ADAM22: variants seen among roughly 807,000 people sequenced by gnomAD.
The protein encoded by ADAM22 is disintegrin and metalloproteinase domain-containing protein 22.
Under a neutral mutation model 144.6 loss-of-function variants are expected in ADAM22, and 65 were observed. That is an observed-to-expected ratio of 0.45 (90% CI 0.37 to 0.55). The LOEUF is 0.55. Ranked by LOEUF, ADAM22 falls within the 20% of genes least tolerant of loss-of-function variation. The pLI is 0.00. For missense variants in ADAM22, 974 were observed against 1,184.9 expected (o/e 0.82, Z 2.61); for synonymous variants, 391 against 412.6 (o/e 0.95, Z 0.63).
At chr7:88,000,587 A>G (rs1313852052) in intron 3 of ADAM22, among the ~76,000 whole-genome samples, 1 of 152,172 alleles carries the variant, frequency 6.6e-6, no homozygotes, top group Non-Finnish European at 1.5e-5. Context: ...AGCCACAAAG[A>G]CAATATTCTA....
intron 30 of ADAM22, among the ~76,000 whole-genome samples, chr7:88,188,323 G>A (rs781054392): frequency 2.6e-5 from 4 of 152,118 alleles, no homozygotes; most frequent in Non-Finnish European, 4.4e-5. Context: ...AAGAGGTCAC[G>A]TTTCTTAAAA....
chr7:88,148,690 C>T (rs1445549790), intron 17 of ADAM22, among the ~76,000 whole-genome samples: 3 of 152,008 alleles, frequency 2.0e-5, no homozygotes, highest in Admixed American at 6.6e-5. Flanking sequence ...GCTATTAGTA[C>T]AGAAAAATTA....
At chr7:87,949,863 T>C (rs1458521961) in intron 2 of ADAM22, among the ~76,000 whole-genome samples, 1 of 149,590 alleles carries the variant, frequency 6.7e-6, no homozygotes, top group Non-Finnish European at 1.5e-5. Flanking sequence ...AAAATATAGA[T>C]AATAAAATAT....
chr7:88,123,038 C>G (rs1829669613), intron 7 of ADAM22, among the ~76,000 whole-genome samples: 1 of 152,096 alleles, frequency 6.6e-6, no homozygotes, highest in Admixed American at 6.6e-5. Flanking sequence ...ATATAATTTT[C>G]TCCTTTAATC....
rs551570388 is a variant in ADAM22, at chr7:88,193,050, C to T, written c.2751-66C>T. On this transcript the variant is annotated intron_variant, in intron 30 of 31. Transcript: ENST00000413139. ...AGTCAGAGGGTTTGTTCTGAACACA[C>T]TTTTCAGATATTTGAAAAATGTTAG... 1.8e-5 allele frequency: 29 copies of T among 1,594,402 alleles called. No homozygotes were observed. In the Admixed American group the frequency reaches 2.0e-4, roughly 11 times the overall value.
At chr7:88,049,415 A>C (rs1805588400) in intron 3 of ADAM22, among the ~76,000 whole-genome samples, 2 of 150,416 alleles carry the variant, frequency 1.3e-5, no homozygotes, top group Admixed American at 1.3e-4. Context: ...TTTGAGATGG[A>C]GTTTCACTCT....
intron 2 of ADAM22, among the ~76,000 whole-genome samples, chr7:87,956,172 G>A (rs1336643462): frequency 6.6e-6 from 1 of 152,094 alleles, no homozygotes; most frequent in African/African-American, 2.4e-5. Flanking sequence ...CTAGTGAGAT[G>A]AACCCGGTAC....
At chr7:88,051,540 G>A (rs904371686) in intron 3 of ADAM22, among the ~76,000 whole-genome samples, 17 of 151,932 alleles carry the variant, frequency 1.1e-4, no homozygotes, top group Non-Finnish European at 1.6e-4. Flanking sequence ...ACCACACACC[G>A]GGGCCTGTTG....
At chr7:88,089,276 A>G (rs1819224572) in intron 4 of ADAM22, among the ~76,000 whole-genome samples, 1 of 152,140 alleles carries the variant, frequency 6.6e-6, no homozygotes, top group African/African-American at 2.4e-5. Context: ...ATAAAAAAAG[A>G]AAAAACAGAC....
intron 3 of ADAM22, among the ~76,000 whole-genome samples, chr7:87,991,195 A>G (rs935371889): frequency 2.0e-5 from 3 of 151,980 alleles, no homozygotes; most frequent in Non-Finnish European, 4.4e-5. Context: ...GGACAATCAG[A>G]TTGACTTTTT....
chr7:87,942,761 C>T (rs1842720938), intron 2 of ADAM22, among the ~76,000 whole-genome samples: 1 of 152,134 alleles, frequency 6.6e-6, no homozygotes, highest in Non-Finnish European at 1.5e-5. Context: ...CTGTTACACT[C>T]GTTCATCGTA....
chr7:88,048,006 T>C (rs1278382653), intron 3 of ADAM22, among the ~76,000 whole-genome samples: 1 of 152,136 alleles, frequency 6.6e-6, no homozygotes, highest in Non-Finnish European at 1.5e-5. Context: ...TTCTTGAACT[T>C]CTCTGCCACT....
intron 17 of ADAM22, among the ~76,000 whole-genome samples, chr7:88,148,440 A>G (rs186637938): frequency 5.1e-4 from 78 of 152,286 alleles, no homozygotes; most frequent in African/African-American, 1.6e-3. Context: ...AAATGCCTAT[A>G]TGAAGACTTA....
At chr7:88,081,363 A>G (rs1448196449) in intron 4 of ADAM22, among the ~76,000 whole-genome samples, 6 of 152,226 alleles carry the variant, frequency 3.9e-5, no homozygotes, top group Non-Finnish European at 7.4e-5. Context: ...AGCTATCTAT[A>G]ACAAACCCAC....
intron 5 of ADAM22, 92 bp from the exon 6 acceptor site, chr7:88,114,492 A>C: frequency 8.4e-7 from 1 of 1,189,050 alleles, no homozygotes; most frequent in Non-Finnish European, 1.3e-6. Context: ...TTGAGAAGCA[A>C]ATGGGCCCTC....
chr7:88,042,545 C>T (rs1007007878), intron 3 of ADAM22, among the ~76,000 whole-genome samples: 1 of 151,952 alleles, frequency 6.6e-6, no homozygotes, highest in African/African-American at 2.4e-5. Flanking sequence ...TAGCTTTATA[C>T]TTGATTTGAA....
At chr7:87,939,520 T>C (rs1842039059) in intron 2 of ADAM22, among the ~76,000 whole-genome samples, 1 of 152,220 alleles carries the variant, frequency 6.6e-6, no homozygotes, top group Non-Finnish European at 1.5e-5. Context: ...CACGTGACTG[T>C]AGCTGTGTAC....
At chr7:87,986,034 T>C (rs1410699721) in intron 3 of ADAM22, among the ~76,000 whole-genome samples, 1 of 152,110 alleles carries the variant, frequency 6.6e-6, no homozygotes, top group Non-Finnish European at 1.5e-5. Context: ...CTGGAAAGAG[T>C]TCCATACTTC....
chr7:88,117,392 T>G (rs1828030319), intron 7 of ADAM22, among the ~76,000 whole-genome samples: 1 of 152,210 alleles, frequency 6.6e-6, no homozygotes, highest in African/African-American at 2.4e-5. Context: ...AAATACAAAT[T>G]TAGTGAAATA....
Sources: gnomAD v4.1 joint callset for allele counts (sites outside exome capture counted in the v4.1 genomes callset) on GRCh38, gnomAD v4.1.1 for gene constraint, MANE v1.5 for transcripts, NCBI Gene and HGNC (gene_info 2026-07-23, HGNC 2026-07-21) for gene names.